CLCN4: variants seen among roughly 807,000 people sequenced by gnomAD.
CLCN4 encodes the protein H(+)/Cl(-) exchange transporter 4.
CLCN4 carries 1 observed loss-of-function variant against 41.7 expected under a neutral mutation model. That is an observed-to-expected ratio of 0.02 (90% CI 0.01 to 0.11). The LOEUF (loss-of-function observed/expected upper bound fraction) is 0.11. CLCN4 is among the 10% of genes least tolerant of loss of function. The pLI is 1.00. For missense variants in CLCN4, 287 were observed against 661.0 expected, an observed-to-expected ratio of 0.43 and a Z score of 6.20; for synonymous variants, 277 against 285.8, an observed-to-expected ratio of 0.97 and a Z score of 0.31.
chrX:10,181,390 A>G (rs1310239923), intron 2 of CLCN4, among the ~76,000 whole-genome samples: 2 of 110,852 alleles, frequency 1.8e-5, no homozygotes, highest in Non-Finnish European at 3.8e-5. Context: ...AAAAGAAAAG[A>G]AAGAAAAAGA....
intron 2 of CLCN4, among the ~76,000 whole-genome samples, chrX:10,162,013 C>CTT (rs34007951): frequency 2.0e-3 from 125 of 61,516 alleles, no homozygotes; most frequent in South Asian, 2.6e-3. Context: ...CCAGTTGAGT[C>CTT]TTTTTTTTTT....
At chrX:10,195,599 A>C (rs1197161228) in intron 5 of CLCN4, among the ~76,000 whole-genome samples, 3 of 111,936 alleles carry the variant, frequency 2.7e-5, no homozygotes, top group Admixed American at 1.9e-4. Context: ...ATTTTAGAAC[A>C]TTTTCGTCAT....
intron 9 of CLCN4, among the ~76,000 whole-genome samples, chrX:10,211,516 ATG>A (rs1400616834): frequency 7.2e-5 from 8 of 111,511 alleles, no homozygotes; most frequent in Non-Finnish European, 1.5e-4. Context: ...GATATAAATG[ATG>A]TAGAATAAGG....
At position 10,220,747 on chromosome X, in the gene CLCN4, C is replaced by A. The variant is rs1425331294; in HGVS notation, c.2062C>A (p.Pro688Thr). Residue 688 changes from proline (P) to threonine (T), a missense_variant, in exon 12 of 13, where the codon CCA (proline) becomes ACA (threonine). By Grantham distance (38) the Pro-to-Thr change is conservative (BLOSUM62 -1). Coordinates refer to ENST00000380833, the MANE Select transcript of CLCN4 (RefSeq NM_001830.4). ...EEPPELPANS[P>T]HPLKLRRILN... ...ACCCCCCGAGCTGCCGGCCAACAGCCCACATCCCCTGAAGCTGCGGCGCAT... is the reference window on the plus strand; with the variant it reads ...ACCCCCCGAGCTGCCGGCCAACAGCACACATCCCCTGAAGCTGCGGCGCAT... 1 of 1,211,742 alleles carries A rather than the reference C, an allele frequency of 8.3e-7. No homozygotes were observed. Among genetic ancestry groups the A allele is most frequent in the African/African-American group, 1.7e-5 (1 of 57,850 alleles).
At position 10,204,613 on chromosome X, in the gene CLCN4, C is replaced by CTTTT. The variant is rs61453535; in HGVS notation, c.556-1712_556-1709dup. On this transcript the variant is annotated intron_variant, in intron 6 of 12. Coordinates refer to ENST00000380833, the MANE Select transcript of CLCN4 (RefSeq NM_001830.4). ...CTATTCTCACCAGAAAGCTAGTAGT[C>CTTTT]TTTTTTTTTTTTTTTTTTTTTTTTT... is the stretch of plus-strand genomic sequence containing the variant. Among the ~76,000 whole-genome samples, 463 of 27,335 alleles carry CTTTT rather than the reference C, an allele frequency of 0.017. 185 individuals carry two copies. The East Asian group carries it at 0.31, about 18-fold the overall frequency. The allele number at this position is 27,335 out of a possible 115,157, so 23.7% of individuals were successfully genotyped here. A position where few individuals can be genotyped will look rare whatever the true frequency, so the allele number is the denominator to read the frequency against.
At chrX:10,196,538 CTT>C (rs141362799) in intron 5 of CLCN4, among the ~76,000 whole-genome samples, 97 of 80,857 alleles carry the variant, frequency 1.2e-3, no homozygotes, top group Middle Eastern at 7.2e-3. Context: ...CCCTTCCCCA[CTT>C]TTTTTTTTTT....
chrX:10,163,440 C>G lies in CLCN4; in HGVS notation c.-12+4889C>G, dbSNP rs764409354. 3.0e-5 allele frequency among the ~76,000 whole-genome samples: 3 copies of G among 100,845 alleles called. No individual in the cohort carries two copies. In the South Asian group the frequency reaches 1.4e-3, roughly 46 times the overall value. 87.6% of individuals were successfully genotyped at this position (100,845 alleles called of 115,157 possible). On this transcript the variant is annotated intron_variant, in intron 2 of 12. Coordinates refer to ENST00000380833, the MANE Select transcript of CLCN4 (RefSeq NM_001830.4). ...TTTTTTTTTTTGAGATGGAATCTCT[C>G]TTTGTTGCCCAGGCCGGAGTGCAGT...
intron 2 of CLCN4, among the ~76,000 whole-genome samples, chrX:10,166,763 G>A (rs1317907522): frequency 1.8e-5 from 2 of 112,298 alleles, no homozygotes; most frequent in South Asian, 3.7e-4. Flanking sequence ...AAGTCTCTGG[G>A]GAAATTCCAA....
chrX:10,212,727 A>G (rs1924595193), intron 10 of CLCN4, 74 bp downstream of exon 10: 9 of 955,965 alleles, frequency 9.4e-6, no homozygotes, highest in African/African-American at 3.9e-5. Context: ...GAAGGAAGAC[A>G]TGGACTTGAA....
rs1925283120 is a variant in CLCN4 at position 10,237,606 on chromosome X, C to T, written c.*4022C>T. The T allele has an allele frequency of 9.0e-6, 1 of 111,394 alleles. No homozygotes were observed. The highest frequency in any genetic ancestry group is 3.3e-5 in the African/African-American group (1 of 30,581). 9.2% of individuals were successfully genotyped at this position (111,394 alleles called of 1,213,427 possible). ...TGACACCTTATTAAATATTAAATGT[C>T]TGAACTCTATTTTTAAAAATAAAAC... On this transcript the variant is annotated 3_prime_UTR_variant, in exon 13 of 13. Coordinates refer to ENST00000380833, the MANE Select transcript of CLCN4 (RefSeq NM_001830.4).
At chrX:10,230,376 G>A (rs751152070) in intron 12 of CLCN4, among the ~76,000 whole-genome samples, 33 of 112,341 alleles carry the variant, frequency 2.9e-4, no homozygotes, top group South Asian at 2.6e-3. Flanking sequence ...TTTTGCAACC[G>A]TAGAAGCAGG....
intron 11 of CLCN4, among the ~76,000 whole-genome samples, chrX:10,217,458 C>T (rs1031260197): frequency 1.8e-5 from 2 of 111,968 alleles, no homozygotes; most frequent in African/African-American, 6.5e-5. Context: ...CTTGCCCTCT[C>T]CTATTGTGAT....
At chrX:10,213,435 G>A (rs935295913) in intron 10 of CLCN4, among the ~76,000 whole-genome samples, 11 of 111,995 alleles carry the variant, frequency 9.8e-5, no homozygotes, top group African/African-American at 3.2e-4. Flanking sequence ...ACGGTGAATA[G>A]ACAACCCGGG....
chrX:10,173,617 C>G (rs1377995491), intron 2 of CLCN4, among the ~76,000 whole-genome samples: 1 of 111,683 alleles, frequency 9.0e-6, no homozygotes, highest in Non-Finnish European at 1.9e-5. Context: ...GAAGGCAGCC[C>G]GGTCTCTTTT....
chrX:10,177,326 T>C (rs2147163676), intron 2 of CLCN4, among the ~76,000 whole-genome samples: 1 of 112,331 alleles, frequency 8.9e-6, no homozygotes, highest in African/African-American at 3.2e-5. Context: ...TCTCTGGCCC[T>C]TCACAGAAAA....
chrX:10,201,106 C>A (rs1602153404), intron 6 of CLCN4, among the ~76,000 whole-genome samples: 1 of 111,750 alleles, frequency 8.9e-6, no homozygotes, highest in East Asian at 2.8e-4. Context: ...ATTGATAGAA[C>A]GTCTATAAAC....
At chrX:10,188,221 A>G (rs1188699038) in intron 4 of CLCN4, among the ~76,000 whole-genome samples, 1 of 112,901 alleles carries the variant, frequency 8.9e-6, no homozygotes, top group Non-Finnish European at 1.9e-5. Context: ...AGCCAAGCAC[A>G]CATTTTATAT....
At chrX:10,198,805 GA>G (rs1924163055) in intron 6 of CLCN4, among the ~76,000 whole-genome samples, 1 of 112,216 alleles carries the variant, frequency 8.9e-6, no homozygotes. Flanking sequence ...ATTTTAGCCA[GA>G]AGTAATTTTA....
chrX:10,203,606 T>C (rs1043680258), intron 6 of CLCN4, among the ~76,000 whole-genome samples: 6 of 111,655 alleles, frequency 5.4e-5, no homozygotes, highest in African/African-American at 2.0e-4. Context: ...AAATACTGTA[T>C]TGAGAAATAA....
Sources: gnomAD v4.1 joint callset for allele counts (sites outside exome capture counted in the v4.1 genomes callset) on GRCh38, gnomAD v4.1.1 for gene constraint, MANE v1.5 for transcripts, NCBI Gene and HGNC (gene_info 2026-07-23, HGNC 2026-07-21) for gene names.